The following ACAP2 variants were observed in gnomAD, a reference collection of about 807,000 sequenced individuals.
ACAP2 encodes ArfGAP with coiled-coil, ankyrin repeat and PH domains 2, also known as arf-GAP with coiled-coil, ANK repeat and PH domain-containing protein 2.
A neutral mutation model predicts 115.8 loss-of-function variants in ACAP2; 39 were observed. The observed-to-expected ratio is 0.34, with a 90% CI of 0.26 to 0.44. The LOEUF (loss-of-function observed/expected upper bound fraction) is 0.44, where lower values mean the gene tolerates loss of function less well. Among genes scored for constraint, ACAP2 ranks in the 20% least tolerant of loss-of-function variants. The pLI is 1.00. For synonymous variants in ACAP2, 289 were observed against 315.8 expected (o/e 0.92, Z 0.90); for missense variants, 662 against 927.6 (o/e 0.71, Z 3.72).
chr3:195,290,999 G>T lies in ACAP2; in HGVS notation c.2063+707C>A, dbSNP rs917660371. ...AGTGCACTCCTGCCTAGGCAACAGG[G>T]CGAGACCCTGTCTCTAAATAAATGA... On this transcript the variant is annotated intron_variant, in intron 20 of 22. Coordinates refer to ENST00000326793, the MANE Select transcript of ACAP2 (RefSeq NM_012287.6). Among the ~76,000 whole-genome samples the T allele has an allele frequency of 7.2e-5, 11 of 152,096 alleles. No individual in the cohort carries two copies. The East Asian group carries it at 2.1e-3, about 29-fold the overall frequency.
chr3:195,324,249 G>A (rs1729631156), intron 9 of ACAP2, among the ~76,000 whole-genome samples: 5 of 152,100 alleles, frequency 3.3e-5, no homozygotes, highest in Admixed American at 2.6e-4. Flanking sequence ...AGACAGCATA[G>A]TATTGACAGT....
intron 10 of ACAP2, among the ~76,000 whole-genome samples, chr3:195,318,042 A>G (rs1030605801): frequency 1.3e-5 from 2 of 152,012 alleles, no homozygotes; most frequent in Non-Finnish European, 2.9e-5. Context: ...ATGGTGAGGG[A>G]GTTCTTAGGA....
intron 1 of ACAP2, among the ~76,000 whole-genome samples, chr3:195,439,926 C>A (rs1446185094): frequency 6.6e-6 from 1 of 152,066 alleles, no homozygotes; most frequent in Non-Finnish European, 1.5e-5. Flanking sequence ...AGTGTTCAGC[C>A]CAAGAGTATG....
chr3:195,293,202 A>G (rs959684493), intron 18 of ACAP2, among the ~76,000 whole-genome samples: 2 of 152,230 alleles, frequency 1.3e-5, no homozygotes, highest in African/African-American at 2.4e-5. Context: ...CTTAAGAAGC[A>G]GCAAGAATCC....
chr3:195,313,818 T>G (rs950577120), intron 10 of ACAP2, among the ~76,000 whole-genome samples: 1 of 152,172 alleles, frequency 6.6e-6, no homozygotes, highest in African/African-American at 2.4e-5. Flanking sequence ...CTTTTCAGAA[T>G]TTAATCATAA....
chr3:195,305,115 A>G (rs1043655410), intron 13 of ACAP2, among the ~76,000 whole-genome samples: 2 of 152,236 alleles, frequency 1.3e-5, no homozygotes, highest in Non-Finnish European at 2.9e-5. Context: ...GAACAGGTCT[A>G]TATCTGTAAA....
intron 1 of ACAP2, among the ~76,000 whole-genome samples, chr3:195,439,045 G>C (rs894615620): frequency 2.0e-5 from 3 of 147,438 alleles, no homozygotes; most frequent in African/African-American, 7.6e-5. Flanking sequence ...TGGGCAACAA[G>C]AGCAGAACTC....
At chr3:195,371,772 C>T (rs1399381104) in intron 4 of ACAP2, among the ~76,000 whole-genome samples, 2 of 152,166 alleles carry the variant, frequency 1.3e-5, no homozygotes, top group East Asian at 1.9e-4. Flanking sequence ...CATGTCTCAG[C>T]CTCCCAAGTA....
chr3:195,292,921 CAA>C (rs3988217), intron 18 of ACAP2, among the ~76,000 whole-genome samples: 2,443 of 76,600 alleles, frequency 0.032, 43 homozygotes, highest in South Asian at 0.14. Flanking sequence ...GACTCAGTCT[CAA>C]AAAAAAAAAA....
rs187435758 is a variant in ACAP2 at position 195,437,303 on chromosome 3, G to A, written c.53+5492C>T. On this transcript the variant is annotated intron_variant, in intron 1 of 22. Coordinates refer to ENST00000326793, the MANE Select transcript of ACAP2 (RefSeq NM_012287.6). ...AGTGATCCTCCCTCCTCAGCCTCCT[G>A]AACTGTTGAGATTATAGCATAAGCT... is the stretch of plus-strand genomic sequence containing the variant. 6.6e-5 allele frequency among the ~76,000 whole-genome samples: 10 copies of A among 151,872 alleles called. No individual in the cohort carries two copies. The East Asian group carries it at 1.7e-3, about 26-fold the overall frequency.
chr3:195,306,559 A>C lies in ACAP2; in HGVS notation c.1068T>G (p.Val356=). 6.2e-7 allele frequency: 1 copy of C among 1,613,458 alleles called. No homozygotes were observed. Among genetic ancestry groups the C allele is most frequent in the Non-Finnish European group, 8.5e-7 (1 of 1,179,738 alleles). The stretch of plus-strand genomic sequence containing the variant: ...TATAAGCAGTAGCAATACTGGTCTG[A>C]ACAGCCTTAATCCATGCCTGGCGCA... ...EKLRQAWIKA[V]QTSIATAYRE... Residue 356 remains valine (V), a synonymous_variant, in exon 13 of 23, where the codon GTT becomes GTG. Transcript: ENST00000326793.
intron 1 of ACAP2, among the ~76,000 whole-genome samples, chr3:195,437,390 G>T (rs1351233028): frequency 6.6e-6 from 1 of 152,140 alleles, no homozygotes; most frequent in Admixed American, 6.5e-5. Context: ...GTAAATGAGT[G>T]AATTCTCTTC....
chr3:195,438,030 T>TTTTC (rs201243710), intron 1 of ACAP2, among the ~76,000 whole-genome samples: 32,313 of 138,170 alleles, frequency 0.23, 4,399 homozygotes, highest in East Asian at 0.7. Context: ...AAGAATTTTC[T>TTTTC]TTTTTTTTTT....
intron 8 of ACAP2, among the ~76,000 whole-genome samples, chr3:195,329,508 TTAA>T (rs1458536127): frequency 3.3e-5 from 5 of 152,204 alleles, no homozygotes; most frequent in Non-Finnish European, 5.9e-5. Context: ...CCATTCTACC[TTAA>T]TAAAACTGCT....
At chr3:195,320,090 C>T (rs961675898) in intron 10 of ACAP2, among the ~76,000 whole-genome samples, 2 of 152,132 alleles carry the variant, frequency 1.3e-5, no homozygotes, top group East Asian at 1.9e-4. Flanking sequence ...TGCTGCCTTG[C>T]GAAGAAGATG....
chr3:195,329,775 C>T (rs538566112), intron 8 of ACAP2, among the ~76,000 whole-genome samples: 17 of 152,260 alleles, frequency 1.1e-4, no homozygotes, highest in Non-Finnish European at 1.6e-4. Context: ...AAGCTGATAA[C>T]CACTCCTTCC....
chr3:195,348,266 A>T (rs928673953), intron 4 of ACAP2, among the ~76,000 whole-genome samples: 4 of 152,104 alleles, frequency 2.6e-5, no homozygotes, highest in African/African-American at 9.6e-5. Flanking sequence ...ATTATAAAAT[A>T]TCAGAAAGAA....
At chr3:195,295,997 G>A (rs1727635466) in intron 16 of ACAP2, 105 bp from the exon 17 acceptor site, 2 of 859,250 alleles carry the variant, frequency 2.3e-6, no homozygotes, top group African/African-American at 3.4e-5. Context: ...GTCACTGAAT[G>A]TAATACTGGT....
At chr3:195,374,954 G>A (rs935180566) in intron 4 of ACAP2, among the ~76,000 whole-genome samples, 1 of 151,764 alleles carries the variant, frequency 6.6e-6, no homozygotes, top group Non-Finnish European at 1.5e-5. Context: ...CACTTTGGGA[G>A]GCCAAGGCGG....
Sources: gnomAD v4.1 joint callset for allele counts (sites outside exome capture counted in the v4.1 genomes callset) on GRCh38, gnomAD v4.1.1 for gene constraint, MANE v1.5 for transcripts, NCBI Gene and HGNC (gene_info 2026-07-23, HGNC 2026-07-21) for gene names.